RBM47: variants seen among roughly 807,000 people sequenced by gnomAD.
RBM47 encodes the protein RNA-binding protein 47.
Under a neutral mutation model 47.1 loss-of-function variants are expected in RBM47, and 21 were observed. The ratio of observed to expected loss-of-function variants is 0.45; its 90% CI spans 0.32 to 0.64. The LOEUF (loss-of-function observed/expected upper bound fraction) is 0.64, where lower values mean the gene tolerates loss of function less well. RBM47 is among the 30% of genes least tolerant of loss of function. The pLI is 0.05. For synonymous variants in RBM47, 375 were observed against 361.7 expected (o/e 1.04, Z -0.42); for missense variants, 708 against 870.9 (o/e 0.81, Z 2.35).
At chr4:40,545,709 G>GCAAGGCTCCTTCTCAAAAAT (rs1553899595) in intron 1 of RBM47, among the ~76,000 whole-genome samples, 1 of 72,628 alleles carries the variant, frequency 1.4e-5, no homozygotes, top group Non-Finnish European at 3.1e-5. Flanking sequence ...AAATAAAAGA[G>GCAAGGCTCCTTCTCAAAAAT]AAAGAGAGGG....
At chr4:40,489,581 G>C (rs578021352) in intron 2 of RBM47, among the ~76,000 whole-genome samples, 6 of 152,274 alleles carry the variant, frequency 3.9e-5, no homozygotes, top group African/African-American at 1.2e-4. Flanking sequence ...ACATGTAGAG[G>C]AGAAATTCCT....
intron 1 of RBM47, among the ~76,000 whole-genome samples, chr4:40,564,558 G>A (rs1730922985): frequency 6.6e-6 from 1 of 152,174 alleles, no homozygotes; most frequent in Non-Finnish European, 1.5e-5. Flanking sequence ...GAGAAGTATG[G>A]CTTTAAAGCA....
At chr4:40,589,865 A>T (rs1733965904) in intron 1 of RBM47, among the ~76,000 whole-genome samples, 1 of 152,228 alleles carries the variant, frequency 6.6e-6, no homozygotes, top group Admixed American at 6.5e-5. Flanking sequence ...ACTAATCATA[A>T]GTACCTGGAG....
At chr4:40,472,555 T>G (rs2154237729) in intron 2 of RBM47, among the ~76,000 whole-genome samples, 1 of 121,870 alleles carries the variant, frequency 8.2e-6, no homozygotes, top group African/African-American at 3.7e-5. Flanking sequence ...AGAGTGATGC[T>G]CTGTCTCAAA....
chr4:40,466,952 ATTTC>A (rs1185857414), intron 2 of RBM47, among the ~76,000 whole-genome samples: 2 of 152,026 alleles, frequency 1.3e-5, no homozygotes, highest in African/African-American at 4.8e-5. Flanking sequence ...AAAATGACTA[ATTTC>A]TTCCATTTGT....
rs1725953603 is a variant in RBM47 at position 40,519,396 on chromosome 4, C to G, written c.-155+25026G>C. Among the ~76,000 whole-genome samples, 6 of 148,408 alleles carry G rather than the reference C, an allele frequency of 4.0e-5. No individual in the cohort carries two copies. In the South Asian group the frequency reaches 1.3e-3, roughly 31 times the overall value. ...CACTGCAATCTCTGCCTCCCGGGTT[C>G]AAGCGAATCTCCTGCCTCAGCCTCC... On this transcript the variant is annotated intron_variant, in intron 2 of 6. Transcript: ENST00000295971.
intron 6 of RBM47, among the ~76,000 whole-genome samples, chr4:40,431,613 G>A (rs1716053393): frequency 6.6e-6 from 1 of 151,242 alleles, no homozygotes; most frequent in Admixed American, 6.6e-5. Flanking sequence ...AGCCGAGATG[G>A]CGCCACTGCG....
intron 2 of RBM47, among the ~76,000 whole-genome samples, chr4:40,535,800 C>T (rs965539367): frequency 1.3e-5 from 2 of 152,080 alleles, no homozygotes; most frequent in South Asian, 2.1e-4. Flanking sequence ...CCTTATGATC[C>T]GCCCACCTTG....
intron 2 of RBM47, among the ~76,000 whole-genome samples, chr4:40,531,848 G>T (rs140591095): frequency 6.6e-6 from 1 of 152,012 alleles, no homozygotes; most frequent in Non-Finnish European, 1.5e-5. Flanking sequence ...ATGGTAGTGC[G>T]AATGAAGAGG....
intron 2 of RBM47, among the ~76,000 whole-genome samples, chr4:40,531,968 C>T (rs1471846231): frequency 1.5e-4 from 23 of 151,802 alleles, no homozygotes; most frequent in Non-Finnish European, 2.4e-4. Flanking sequence ...CCTGAACTCC[C>T]AGCCTTGGTT....
intron 2 of RBM47, among the ~76,000 whole-genome samples, chr4:40,535,057 C>T (rs1392123298): frequency 6.6e-6 from 1 of 151,814 alleles, no homozygotes; most frequent in East Asian, 1.9e-4. Flanking sequence ...AGTCTGTTTT[C>T]TTATTGACAA....
chr4:40,527,673 C>G (rs993583714), intron 2 of RBM47, among the ~76,000 whole-genome samples: 4 of 150,474 alleles, frequency 2.7e-5, no homozygotes, highest in African/African-American at 9.8e-5. Context: ...CTGGTAACGC[C>G]CGCCTCAGCC....
At chr4:40,475,549 C>A (rs1444177838) in intron 2 of RBM47, 1 of 152,064 alleles carries the variant, frequency 6.6e-6, no homozygotes. Context: ...AAATTCTTAC[C>A]AACTTCCAAA....
intron 2 of RBM47, among the ~76,000 whole-genome samples, chr4:40,467,395 T>A (rs1312676313): frequency 1.3e-5 from 2 of 152,112 alleles, no homozygotes. Context: ...GTTCATGCGA[T>A]TCTCCTGCCT....
chr4:40,514,515 C>T (rs1291346781), intron 2 of RBM47: 3 of 152,150 alleles, frequency 2.0e-5, no homozygotes, highest in Admixed American at 2.0e-4. Flanking sequence ...GAAGCACGTA[C>T]CTGCTAAGCA....
At chr4:40,611,422 AAAC>A (rs1434595259) in intron 1 of RBM47, among the ~76,000 whole-genome samples, 1 of 152,208 alleles carries the variant, frequency 6.6e-6, no homozygotes, top group East Asian at 1.9e-4. Context: ...ACTCAAAAGA[AAAC>A]AACAACAAAA....
intron 3 of RBM47, among the ~76,000 whole-genome samples, chr4:40,461,910 G>A (rs1335351646): frequency 2.0e-5 from 3 of 150,464 alleles, no homozygotes; most frequent in African/African-American, 7.3e-5. Flanking sequence ...ACTCCAGCCT[G>A]GGTGACAAGA....
chr4:40,512,141 C>A (rs1447535593), intron 2 of RBM47, among the ~76,000 whole-genome samples: 2 of 151,982 alleles, frequency 1.3e-5, no homozygotes, highest in Non-Finnish European at 2.9e-5. Context: ...TGTGGTATTG[C>A]CAGGCGCGGT....
At chr4:40,430,109 C>T (rs989455994) in intron 6 of RBM47, among the ~76,000 whole-genome samples, 2 of 152,020 alleles carry the variant, frequency 1.3e-5, no homozygotes, top group African/African-American at 2.4e-5. Context: ...GCCGGAGAAT[C>T]GCCTGAACCT....
Sources: gnomAD v4.1 joint callset for allele counts (sites outside exome capture counted in the v4.1 genomes callset) on GRCh38, gnomAD v4.1.1 for gene constraint, MANE v1.5 for transcripts, NCBI Gene and HGNC (gene_info 2026-07-23, HGNC 2026-07-21) for gene names.